The following ARK2C variants were observed in gnomAD, a reference collection of about 807,000 sequenced individuals.
ARK2C encodes E3 ubiquitin-protein ligase ARK2C.
At chr18:46,368,275 G>C in the ARK2C span, among the ~76,000 whole-genome samples, 16 of 152,304 alleles carry the variant, frequency 1.1e-4, no homozygotes, top group East Asian at 2.3e-3. Flanking sequence ...GATTGGCTTG[G>C]GACGTGGAGG....
the ARK2C span, among the ~76,000 whole-genome samples, chr18:46,438,399 C>T: frequency 1.3e-3 from 204 of 152,350 alleles, 2 homozygotes; most frequent in African/African-American, 4.7e-3. Flanking sequence ...CTAGGGCAGA[C>T]CATCCCACCC....
chr18:46,367,141 GA>G, the ARK2C span, among the ~76,000 whole-genome samples: 2 of 152,152 alleles, frequency 1.3e-5, no homozygotes, highest in South Asian at 2.1e-4. Flanking sequence ...GGGGATGTGG[GA>G]TCTCTTCTTA....
chr18:46,391,992 CAT>C, the ARK2C span, among the ~76,000 whole-genome samples: 1 of 151,696 alleles, frequency 6.6e-6, no homozygotes, highest in East Asian at 1.9e-4. Context: ...CACGTACACA[CAT>C]ACCACACATA....
the ARK2C span, among the ~76,000 whole-genome samples, chr18:46,390,253 A>G: frequency 2.6e-5 from 4 of 152,174 alleles, no homozygotes; most frequent in Admixed American, 6.5e-5. Flanking sequence ...ATCACTGTCT[A>G]AATCACCCCA....
the ARK2C span, among the ~76,000 whole-genome samples, chr18:46,375,749 A>AT: frequency 6.6e-6 from 1 of 151,898 alleles, no homozygotes; most frequent in South Asian, 2.1e-4. Context: ...TGGAGGAGAT[A>AT]TTTTGAGGTG....
the ARK2C span, among the ~76,000 whole-genome samples, chr18:46,348,898 TTC>T: frequency 5.7e-5 from 7 of 123,258 alleles, no homozygotes; most frequent in East Asian, 4.6e-4. Context: ...CTCTCTCTCT[TTC>T]TGTGTGTGTG....
the ARK2C span, among the ~76,000 whole-genome samples, chr18:46,373,292 T>C: frequency 1.3e-5 from 2 of 152,222 alleles, no homozygotes; most frequent in Non-Finnish European, 2.9e-5. Context: ...ACACTGCACA[T>C]TTCCTCAGAG....
At chr18:46,398,035 G>A in the ARK2C span, among the ~76,000 whole-genome samples, 4 of 144,632 alleles carry the variant, frequency 2.8e-5, no homozygotes, top group African/African-American at 1.0e-4. Context: ...ATGTGGAGGT[G>A]TGAGGGTGTG....
the ARK2C span, chr18:46,460,300 GC>G: frequency 6.6e-6 from 1 of 152,310 alleles, no homozygotes; most frequent in African/African-American, 2.4e-5. Flanking sequence ...CGTCTGTCAG[GC>G]CCCCTTGTGT....
chr18:46,417,832 C>CT, the ARK2C span, among the ~76,000 whole-genome samples: 1 of 151,850 alleles, frequency 6.6e-6, no homozygotes, highest in African/African-American at 2.4e-5. Context: ...GGTGAAACCC[C>CT]GTCTCTACTA....
chr18:46,431,131 A>G, the ARK2C span, among the ~76,000 whole-genome samples: 1 of 152,128 alleles, frequency 6.6e-6, no homozygotes, highest in Non-Finnish European at 1.5e-5. Context: ...CTTATGAGTG[A>G]GAGCATGCGG....
At chr18:46,433,122 G>T in the ARK2C span, 6 of 1,288,796 alleles carry the variant, frequency 4.7e-6, no homozygotes, top group Non-Finnish European at 3.2e-6. Flanking sequence ...CCCCGGGTGG[G>T]CACAAGGGTC....
At chr18:46,456,012 G>T in the ARK2C span, 3 of 1,613,370 alleles carry the variant, frequency 1.9e-6, no homozygotes, top group African/African-American at 2.7e-5. Context: ...AGGATGAGGG[G>T]GAGGAGTCAG....
chr18:46,384,357 G>A, the ARK2C span, among the ~76,000 whole-genome samples: 12 of 152,146 alleles, frequency 7.9e-5, no homozygotes, highest in African/African-American at 2.9e-4. Flanking sequence ...GTATGTGTGT[G>A]GGGGGGATTC....
the ARK2C span, among the ~76,000 whole-genome samples, chr18:46,398,245 G>A: frequency 6.6e-6 from 1 of 151,372 alleles, no homozygotes; most frequent in African/African-American, 2.4e-5. Flanking sequence ...GTGGGGTCAT[G>A]CGGAGGTGTG....
chr18:46,435,233 G>T, the ARK2C span: 1 of 1,520,400 alleles, frequency 6.6e-7, no homozygotes. Context: ...GAGCTCTTGA[G>T]AACTAGTGGC....
At chr18:46,360,252 G>A in the ARK2C span, among the ~76,000 whole-genome samples, 2 of 152,212 alleles carry the variant, frequency 1.3e-5, no homozygotes, top group Non-Finnish European at 2.9e-5. Flanking sequence ...TGCTGATGGT[G>A]TTGGAGGTCT....
At chr18:46,356,879 G>A in the ARK2C span, among the ~76,000 whole-genome samples, 1 of 152,198 alleles carries the variant, frequency 6.6e-6, no homozygotes, top group African/African-American at 2.4e-5. Context: ...GGAAACTCCA[G>A]AGGTTAAAAG....
chr18:46,402,251 A>T, the ARK2C span, among the ~76,000 whole-genome samples: 1 of 152,226 alleles, frequency 6.6e-6, no homozygotes, highest in Non-Finnish European at 1.5e-5. Context: ...TCAGCTACTT[A>T]CTGAGCAGGT....
Sources: gnomAD v4.1 joint callset for allele counts (sites outside exome capture counted in the v4.1 genomes callset) on GRCh38, gnomAD v4.1.1 for gene constraint, MANE v1.5 for transcripts, NCBI Gene and HGNC (gene_info 2026-07-23, HGNC 2026-07-21) for gene names.